The following PRKCA variants were observed in gnomAD, a reference collection of about 807,000 sequenced individuals.
PRKCA encodes the protein protein kinase C alpha type.
Under a neutral mutation model 87.0 loss-of-function variants are expected in PRKCA, and 27 were observed. The observed-to-expected ratio is 0.31, with a 90% CI of 0.23 to 0.43. PRKCA has a LOEUF of 0.43. Ranked by LOEUF, PRKCA falls within the 20% of genes least tolerant of loss-of-function variation. The pLI is 1.00. For synonymous variants in PRKCA, 329 were observed against 311.1 expected, an observed-to-expected ratio of 1.06 and a Z score of -0.61; for missense variants, 518 against 852.3, an observed-to-expected ratio of 0.61 and a Z score of 4.88.
intron 2 of PRKCA, among the ~76,000 whole-genome samples, chr17:66,318,757 A>C (rs1301760683): frequency 1.3e-5 from 2 of 152,016 alleles, no homozygotes; most frequent in Non-Finnish European, 2.9e-5. Context: ...TGGGAGGCTG[A>C]GGCAGGAGAA....
intron 2 of PRKCA, among the ~76,000 whole-genome samples, chr17:66,405,684 A>G (rs1911329453): frequency 6.6e-6 from 1 of 152,246 alleles, no homozygotes; most frequent in Admixed American, 6.5e-5. Flanking sequence ...CTAAGGGTTT[A>G]TAATCCAATC....
intron 8 of PRKCA, among the ~76,000 whole-genome samples, chr17:66,715,569 G>C (rs1010824597): frequency 6.6e-6 from 1 of 152,124 alleles, no homozygotes; most frequent in Non-Finnish European, 1.5e-5. Context: ...ACACAGAAAG[G>C]CCTACAACTG....
intron 2 of PRKCA, among the ~76,000 whole-genome samples, chr17:66,394,834 C>G (rs79848307): frequency 6.6e-6 from 1 of 152,106 alleles, no homozygotes; most frequent in Non-Finnish European, 1.5e-5. Flanking sequence ...CTTCCTGCTG[C>G]CTTGTGAAGA....
intron 2 of PRKCA, among the ~76,000 whole-genome samples, chr17:66,381,476 A>G (rs1909772189): frequency 6.6e-6 from 1 of 152,210 alleles, no homozygotes; most frequent in South Asian, 2.1e-4. Context: ...TGAAATGACC[A>G]CTGGGCATCA....
At chr17:66,773,495 CTTT>C (rs59316874) in intron 13 of PRKCA, among the ~76,000 whole-genome samples, 6 of 124,642 alleles carry the variant, frequency 4.8e-5, no homozygotes, top group African/African-American at 5.9e-5. Flanking sequence ...CTGGCTTTTC[CTTT>C]TTTTTTTTTT....
intron 3 of PRKCA, among the ~76,000 whole-genome samples, chr17:66,587,929 A>ATC (rs1969673570): frequency 8.2e-6 from 1 of 122,310 alleles, no homozygotes; most frequent in South Asian, 2.5e-4. Context: ...ATATATATAT[A>ATC]TATCCTGCAG....
rs377726685 is a variant in PRKCA at position 66,766,198 on chromosome 17, G to A, written c.1525-7789G>A. On this transcript the variant is annotated intron_variant, in intron 13 of 16. Transcript: ENST00000413366. Reference sequence around the variant, plus strand: ...TGGTAAGCCTTGGAGGAAGGAGAGCGTGTTATCAGAAGGAGTCATGGGAAT... The same window carrying A: ...TGGTAAGCCTTGGAGGAAGGAGAGCATGTTATCAGAAGGAGTCATGGGAAT... 1.9e-3 allele frequency among the ~76,000 whole-genome samples: 286 copies of A among 152,318 alleles called. 1 individual carries two copies. The highest frequency in any genetic ancestry group is 6.6e-3 in the African/African-American group (273 of 41,580).
At chr17:66,629,534 C>T (rs1970952678) in intron 3 of PRKCA, among the ~76,000 whole-genome samples, 3 of 152,296 alleles carry the variant, frequency 2.0e-5, no homozygotes, top group East Asian at 3.9e-4. Context: ...CAGACTTGGC[C>T]ATGAATTCTT....
chr17:66,765,245 C>G (rs1268258999), intron 13 of PRKCA, among the ~76,000 whole-genome samples: 3 of 151,606 alleles, frequency 2.0e-5, no homozygotes, highest in Non-Finnish European at 2.9e-5. Flanking sequence ...GAAACCCCAT[C>G]TCTACAAAAA....
chr17:66,415,054 T>G (rs1912055153), intron 2 of PRKCA: 1 of 152,100 alleles, frequency 6.6e-6, no homozygotes, highest in Non-Finnish European at 1.5e-5. Context: ...TTTTTTTTCT[T>G]TATACTCTTC....
intron 3 of PRKCA, among the ~76,000 whole-genome samples, chr17:66,535,886 C>A (rs1027003810): frequency 6.6e-6 from 1 of 152,216 alleles, no homozygotes; most frequent in Non-Finnish European, 1.5e-5. Context: ...AAAATACCTA[C>A]CTTTGAAATA....
At chr17:66,449,864 G>T (rs1914222058) in intron 2 of PRKCA, among the ~76,000 whole-genome samples, 1 of 151,898 alleles carries the variant, frequency 6.6e-6, no homozygotes, top group African/African-American at 2.4e-5. Context: ...TTTTGTTGTT[G>T]TTTTTTTGTT....
At chr17:66,398,772 T>A (rs572124504) in intron 2 of PRKCA, among the ~76,000 whole-genome samples, 8 of 152,180 alleles carry the variant, frequency 5.3e-5, no homozygotes, top group Non-Finnish European at 1.0e-4. Context: ...GTTCTTTTGA[T>A]AAGTAAAATT....
At chr17:66,446,619 T>C (rs1166413520) in intron 2 of PRKCA, among the ~76,000 whole-genome samples, 2 of 152,182 alleles carry the variant, frequency 1.3e-5, no homozygotes, top group East Asian at 3.8e-4. Context: ...GGTGGGCTTG[T>C]ACATTTTGGT....
chr17:66,639,955 A>G (rs958238803), intron 3 of PRKCA, among the ~76,000 whole-genome samples: 1 of 152,122 alleles, frequency 6.6e-6, no homozygotes, highest in Non-Finnish European at 1.5e-5. Flanking sequence ...AGCTCGTGCC[A>G]CTGCACTCCA....
chr17:66,356,479 C>T (rs1030262258), intron 2 of PRKCA, among the ~76,000 whole-genome samples: 2 of 151,914 alleles, frequency 1.3e-5, no homozygotes, highest in Admixed American at 1.3e-4. Flanking sequence ...ACTAAAAATA[C>T]AAAAAATTAG....
chr17:66,780,016 G>A (rs1178874635), intron 14 of PRKCA, among the ~76,000 whole-genome samples: 2 of 152,198 alleles, frequency 1.3e-5, no homozygotes, highest in Non-Finnish European at 2.9e-5. Context: ...TGCCTTCAAC[G>A]CCAGGGCCTG....
intron 8 of PRKCA, among the ~76,000 whole-genome samples, chr17:66,726,678 CT>C (rs1973757534): frequency 6.6e-6 from 1 of 151,130 alleles, no homozygotes; most frequent in Non-Finnish European, 1.5e-5. Context: ...AGCACTCAGC[CT>C]TCTCTCTGTC....
At chr17:66,479,517 G>A (rs1157155084) in intron 2 of PRKCA, among the ~76,000 whole-genome samples, 2 of 152,068 alleles carry the variant, frequency 1.3e-5, no homozygotes, top group Non-Finnish European at 2.9e-5. Flanking sequence ...TATACCCAAA[G>A]GAATATAAAT....
Sources: allele counts gnomAD v4.1 joint callset (sites outside exome capture counted in the v4.1 genomes callset), GRCh38; gene constraint gnomAD v4.1.1; transcripts MANE v1.5; gene names NCBI Gene and HGNC (gene_info 2026-07-23, HGNC 2026-07-21).